The following PTPRN2 variants were observed in gnomAD, a reference collection of about 807,000 sequenced individuals.
PTPRN2 encodes receptor-type tyrosine-protein phosphatase N2.
PTPRN2 carries 74 observed loss-of-function variants against 118.8 expected under a neutral mutation model. The ratio of observed to expected loss-of-function variants is 0.62; its 90% CI spans 0.52 to 0.76. The LOEUF (loss-of-function observed/expected upper bound fraction) is 0.76, where lower values mean the gene tolerates loss of function less well. Among genes scored for constraint, PTPRN2 ranks in the 30% least tolerant of loss-of-function variants. PTPRN2 has a pLI of 0.00. For synonymous variants in PTPRN2, 641 were observed against 608.0 expected (o/e 1.05, Z -0.80); for missense variants, 1,481 against 1,394.4 (o/e 1.06, Z -0.99).
At chr7:157,687,141 G>A (rs12698101) in intron 12 of PTPRN2, among the ~76,000 whole-genome samples, 23,666 of 151,882 alleles carry the variant, frequency 0.16, 2,330 homozygotes, top group Non-Finnish European at 0.22. Flanking sequence ...TATTTTGACC[G>A]TGCCCCTGAG....
chr7:157,819,450 G>A (rs1298497420), intron 12 of PTPRN2, among the ~76,000 whole-genome samples: 1 of 152,164 alleles, frequency 6.6e-6, no homozygotes, highest in Non-Finnish European at 1.5e-5. Context: ...GAAGAAGCGC[G>A]AGGGCGCCCT....
chr7:157,853,676 T>C (rs7357213), intron 12 of PTPRN2, among the ~76,000 whole-genome samples: 90,211 of 151,866 alleles, frequency 0.59, 26,993 homozygotes, highest in African/African-American at 0.63. Context: ...TCATGTAGAA[T>C]AACCGAGCCA....
intron 12 of PTPRN2, among the ~76,000 whole-genome samples, chr7:157,839,787 C>G (rs545100605): frequency 2.6e-4 from 39 of 150,594 alleles, no homozygotes; most frequent in Middle Eastern, 3.6e-3. Context: ...CCATGTGTGG[C>G]TGTGTGGCCA....
chr7:158,569,052 A>G (rs1586957429), intron 1 of PTPRN2, among the ~76,000 whole-genome samples: 1 of 152,170 alleles, frequency 6.6e-6, no homozygotes, highest in Non-Finnish European at 1.5e-5. Context: ...CTGGAGCCCA[A>G]GGCATGGGAG....
chr7:158,581,387 A>G (rs540769296), intron 1 of PTPRN2, among the ~76,000 whole-genome samples: 3 of 152,244 alleles, frequency 2.0e-5, no homozygotes, highest in African/African-American at 7.2e-5. Flanking sequence ...AGGTACAGGG[A>G]TGGGAGAGGC....
At chr7:158,053,914 T>C (rs906368195) in intron 11 of PTPRN2, among the ~76,000 whole-genome samples, 180 of 134,888 alleles carry the variant, frequency 1.3e-3, no homozygotes, top group East Asian at 1.7e-3. Flanking sequence ...ACCCCAGAGA[T>C]GCAGAGACTC....
At chr7:158,523,334 C>T (rs1158154136) in intron 1 of PTPRN2, among the ~76,000 whole-genome samples, 1 of 133,696 alleles carries the variant, frequency 7.5e-6, no homozygotes, top group Non-Finnish European at 1.6e-5. Context: ...ACCATGCTGC[C>T]GACAGCGAGT....
chr7:158,163,693 A>T (rs1259263714), intron 6 of PTPRN2, among the ~76,000 whole-genome samples: 1 of 149,420 alleles, frequency 6.7e-6, no homozygotes, highest in Admixed American at 6.7e-5. Context: ...TTCATAGGTG[A>T]TCAATATTCT....
At chr7:158,271,081 ACCCCCTCCACCTGGGCTG>A (rs1332260788) in intron 3 of PTPRN2, among the ~76,000 whole-genome samples, 14 of 51,936 alleles carry the variant, frequency 2.7e-4, no homozygotes, top group Admixed American at 1.2e-3. Context: ...CACCTGGACG[ACCCCCTCCACCTGGGCTG>A]CCCCCTCCAC....
At chr7:158,143,513 C>A (rs1324495832) in intron 6 of PTPRN2, among the ~76,000 whole-genome samples, 1 of 152,146 alleles carries the variant, frequency 6.6e-6, no homozygotes, top group Non-Finnish European at 1.5e-5. Context: ...TCACGGTGGA[C>A]ACCAGTCCCC....
intron 11 of PTPRN2, among the ~76,000 whole-genome samples, chr7:158,002,390 C>G (rs955992458): frequency 2.0e-5 from 3 of 152,284 alleles, no homozygotes; most frequent in Admixed American, 6.5e-5. Context: ...AAAAAGCTTC[C>G]AGTTTCACGG....
chr7:158,156,110 C>T (rs2150554747), intron 6 of PTPRN2, among the ~76,000 whole-genome samples: 1 of 152,302 alleles, frequency 6.6e-6, no homozygotes, highest in South Asian at 2.1e-4. Flanking sequence ...GCATCTCTCC[C>T]TGACTAATGA....
At position 157,598,089 on chromosome 7, in the gene PTPRN2, A is replaced by G. The variant is rs1801451083; in HGVS notation, c.2419-2774T>C. Among the ~76,000 whole-genome samples the G allele has an allele frequency of 6.6e-6, 1 of 152,214 alleles. No individual in the cohort carries two copies. Among genetic ancestry groups the G allele is most frequent in the Non-Finnish European group, 1.5e-5 (1 of 68,042 alleles). On this transcript the variant is annotated intron_variant, in intron 16 of 22. Transcript: ENST00000389418. The surrounding 1 kb of genome is among the most constrained non-coding windows in gnomAD (Gnocchi z 5.2). ...TTTACTACATTTAAGGTTTTCGGGC[A>G]GGATAAGTGGCTGTGGAGGAAATCA...
Position 158,003,334 on chromosome 7 carries a change from A to C in PTPRN2, c.1723+77964T>G, listed in dbSNP as rs1396387516. Among the ~76,000 whole-genome samples the C allele has an allele frequency of 6.7e-6, 1 of 150,182 alleles. No individual in the cohort carries two copies. Among genetic ancestry groups the C allele is most frequent in the Non-Finnish European group, 1.5e-5 (1 of 67,596 alleles). On this transcript the variant is annotated intron_variant, in intron 11 of 22. Coordinates refer to ENST00000389418, the MANE Select transcript of PTPRN2 (RefSeq NM_002847.5). The surrounding 1 kb of genome is among the most constrained non-coding windows in gnomAD (Gnocchi z 5.0). ...GAGGCTGAGGCAGGAGAATGGCATG[A>C]ACCTGGGAGGCGGAGCTTGCAGTGA...
At chr7:158,325,020 CCA>C (rs1803373776) in intron 2 of PTPRN2, among the ~76,000 whole-genome samples, 1 of 152,224 alleles carries the variant, frequency 6.6e-6, no homozygotes, top group South Asian at 2.1e-4. Flanking sequence ...CCACAATTCT[CCA>C]CAGAGATCCA....
chr7:158,156,978 C>T (rs1821879435), intron 6 of PTPRN2, among the ~76,000 whole-genome samples: 2 of 152,102 alleles, frequency 1.3e-5, no homozygotes, highest in Admixed American at 1.3e-4. Flanking sequence ...GGAAGGCCTC[C>T]CCATTGTGCT....
At chr7:158,409,080 G>GT (rs1813815598) in intron 2 of PTPRN2, among the ~76,000 whole-genome samples, 1 of 151,546 alleles carries the variant, frequency 6.6e-6, no homozygotes, top group Non-Finnish European at 1.5e-5. Flanking sequence ...TATCATTTTC[G>GT]TAACACCCTG....
intron 9 of PTPRN2, among the ~76,000 whole-genome samples, chr7:158,132,708 A>G (rs1306187976): frequency 6.6e-6 from 1 of 151,642 alleles, no homozygotes; most frequent in Non-Finnish European, 1.5e-5. Flanking sequence ...ACACATTCAT[A>G]TACATACGCA....
chr7:157,565,059 C>T (rs1397106796), intron 21 of PTPRN2, among the ~76,000 whole-genome samples: 6 of 152,230 alleles, frequency 3.9e-5, no homozygotes, highest in African/African-American at 7.2e-5. Flanking sequence ...GTCACGGAAG[C>T]GCAGACGCGG....
Sources: gnomAD v4.1 joint callset for allele counts (sites outside exome capture counted in the v4.1 genomes callset) on GRCh38, gnomAD v4.1.1 for gene constraint, Gnocchi (gnomAD v3.1) non-coding constraint, MANE v1.5 for transcripts, NCBI Gene and HGNC (gene_info 2026-07-23, HGNC 2026-07-21) for gene names.